Variants in JAK1 observed in about 807,000 individuals in gnomAD.
JAK1 encodes tyrosine-protein kinase JAK1.
In JAK1, 16 loss-of-function variants were observed where a neutral mutation model predicts 136.6. The observed-to-expected ratio is 0.12, with a 90% CI of 0.08 to 0.18. The LOEUF is 0.18. JAK1 is among the 10% of genes least tolerant of loss of function. The pLI is 1.00. For synonymous variants in JAK1, 492 were observed against 519.5 expected, an observed-to-expected ratio of 0.95 and a Z score of 0.72; for missense variants, 859 against 1,450.1, an observed-to-expected ratio of 0.59 and a Z score of 6.62.
At chr1:65,010,856 T>C (rs1458481819) in intron 2 of JAK1, among the ~76,000 whole-genome samples, 10 of 152,098 alleles carry the variant, frequency 6.6e-5, no homozygotes, top group Admixed American at 5.9e-4. Context: ...CCTGTAGTCC[T>C]AGCTACTTGG....
chr1:65,050,558 C>T (rs1263629071), intron 1 of JAK1, among the ~76,000 whole-genome samples: 1 of 152,118 alleles, frequency 6.6e-6, no homozygotes, highest in Non-Finnish European at 1.5e-5. Flanking sequence ...ACCACACTGC[C>T]CAGGGCATCA....
chr1:64,888,767 CTTAGCCTAGA>C (rs1644890339), intron 1 of JAK1, among the ~76,000 whole-genome samples: 1 of 152,170 alleles, frequency 6.6e-6, no homozygotes, highest in South Asian at 2.1e-4. Flanking sequence ...ATTTGTGATG[CTTAGCCTAGA>C]GATTAAACTC....
chr1:64,903,423 A>T (rs1386474246), intron 1 of JAK1, among the ~76,000 whole-genome samples: 1 of 152,226 alleles, frequency 6.6e-6, no homozygotes, highest in African/African-American at 2.4e-5. Context: ...GGACAGAGGG[A>T]GCAGAGCAGG....
chr1:65,050,051 G>T (rs1272709088), intron 1 of JAK1, among the ~76,000 whole-genome samples: 2 of 152,168 alleles, frequency 1.3e-5, no homozygotes, highest in Non-Finnish European at 2.9e-5. Context: ...CAGAGATGCA[G>T]ATCTCTGACC....
intron 2 of JAK1, chr1:64,985,888 A>C (rs1476609352): frequency 1.5e-6 from 1 of 658,436 alleles, no homozygotes; most frequent in Admixed American, 2.3e-5. Flanking sequence ...CCAATGGAGA[A>C]TATGGCCATA....
At chr1:64,983,256 C>T (rs1646566488) in intron 2 of JAK1, among the ~76,000 whole-genome samples, 1 of 152,154 alleles carries the variant, frequency 6.6e-6, no homozygotes, top group African/African-American at 2.4e-5. Context: ...CTACACTGCA[C>T]ACTGACTCAT....
chr1:65,046,872 C>CT (rs770524663), intron 1 of JAK1, among the ~76,000 whole-genome samples: 7,673 of 113,310 alleles, frequency 0.068, 485 homozygotes, highest in East Asian at 0.3. Context: ...GCCCCAACCT[C>CT]TTTTTTTTTT....
At chr1:64,971,862 T>G (rs890248464) in intron 2 of JAK1, among the ~76,000 whole-genome samples, 2 of 152,186 alleles carry the variant, frequency 1.3e-5, no homozygotes, top group Non-Finnish European at 2.9e-5. Flanking sequence ...CTCGGCCTTA[T>G]CTATCATACT....
chr1:64,982,126 A>G (rs200317990), intron 2 of JAK1, among the ~76,000 whole-genome samples: 12,772 of 114,702 alleles, frequency 0.11, 1,097 homozygotes, highest in African/African-American at 0.3. Flanking sequence ...ACACACACGC[A>G]CACACACACA....
At chr1:64,946,251 C>G (rs578064213) in intron 1 of JAK1, among the ~76,000 whole-genome samples, 4 of 152,146 alleles carry the variant, frequency 2.6e-5, no homozygotes, top group African/African-American at 9.7e-5. Flanking sequence ...TGGAAGAATA[C>G]AGGAGAGAGG....
chr1:65,059,924 C>G (rs2100886542), intron 1 of JAK1, among the ~76,000 whole-genome samples: 1 of 152,212 alleles, frequency 6.6e-6, no homozygotes, highest in East Asian at 1.9e-4. Flanking sequence ...AATAAAAGTA[C>G]AGTGAATCTA....
chr1:64,862,886 T>G (rs1479824380), intron 8 of JAK1, among the ~76,000 whole-genome samples: 2 of 152,294 alleles, frequency 1.3e-5, no homozygotes, highest in South Asian at 2.1e-4. Context: ...GCCTCTTGAT[T>G]AGTCTCAGAT....
At chr1:64,919,542 T>C (rs765668000) in intron 1 of JAK1, among the ~76,000 whole-genome samples, 3 of 152,200 alleles carry the variant, frequency 2.0e-5, no homozygotes, top group Admixed American at 6.5e-5. Context: ...AGTAATGGGA[T>C]GGCTGGGTCA....
chr1:65,019,518 T>A (rs549555522), intron 2 of JAK1, among the ~76,000 whole-genome samples: 12 of 150,284 alleles, frequency 8.0e-5, no homozygotes, highest in Middle Eastern at 3.5e-3. Context: ...GTATTCTTAA[T>A]TTTAAAAATC....
intron 1 of JAK1, among the ~76,000 whole-genome samples, chr1:64,920,263 C>G (rs991691521): frequency 2.0e-5 from 3 of 152,086 alleles, no homozygotes; most frequent in African/African-American, 7.2e-5. Flanking sequence ...ATAAACAGGA[C>G]AAGTGTGGTG....
At chr1:65,014,829 C>G (rs937132685) in intron 2 of JAK1, among the ~76,000 whole-genome samples, 1 of 151,888 alleles carries the variant, frequency 6.6e-6, no homozygotes, top group Non-Finnish European at 1.5e-5. Context: ...GGACTACAGG[C>G]GCCCGCCACC....
At position 64,875,696 on chromosome 1, in the gene JAK1, C is replaced by T. The variant is rs367924874; in HGVS notation, c.330-2173G>A. On this transcript the variant is annotated intron_variant, in intron 4 of 24. Transcript: ENST00000342505. ...ACTGTGGGCTTTGGTGTCTCTCTCA[C>T]ACACAGAAAGAATCACACATCTGCA... Among the ~76,000 whole-genome samples, 18 of 152,316 alleles carry T rather than the reference C, an allele frequency of 1.2e-4. 1 individual carries two copies. Among genetic ancestry groups the T allele is most frequent in the Admixed American group, 3.9e-4 (6 of 15,306 alleles).
At chr1:64,939,253 A>T (rs1399040860) in intron 1 of JAK1, among the ~76,000 whole-genome samples, 1 of 152,270 alleles carries the variant, frequency 6.6e-6, no homozygotes, top group Non-Finnish European at 1.5e-5. Context: ...TGAGCAACAG[A>T]TCTAGGCATG....
chr1:64,842,325 T>G (rs1451921393), intron 17 of JAK1, among the ~76,000 whole-genome samples: 1 of 152,178 alleles, frequency 6.6e-6, no homozygotes, highest in African/African-American at 2.4e-5. Context: ...TTCAACTGTT[T>G]ATTACTTTAA....
Sources: gnomAD v4.1 joint callset for allele counts (sites outside exome capture counted in the v4.1 genomes callset) on GRCh38, gnomAD v4.1.1 for gene constraint, MANE v1.5 for transcripts, NCBI Gene and HGNC (gene_info 2026-07-23, HGNC 2026-07-21) for gene names.